Variants in CSMD3 observed in about 807,000 individuals in gnomAD.
The protein encoded by CSMD3 is CUB and Sushi multiple domains 3.
Under a neutral mutation model 435.2 loss-of-function variants are expected in CSMD3, and 177 were observed. That is an observed-to-expected ratio of 0.41 (90% CI 0.36 to 0.46). The LOEUF (loss-of-function observed/expected upper bound fraction) is 0.46, where lower values mean the gene tolerates loss of function less well. Ranked by LOEUF, CSMD3 falls within the 20% of genes least tolerant of loss-of-function variation. The probability of loss-of-function intolerance (pLI) is 0.34; values close to 1 mark genes in which losing one functional copy is unlikely to be tolerated. For synonymous variants in CSMD3, 1,656 were observed against 1,520.5 expected, an observed-to-expected ratio of 1.09 and a Z score of -2.07; for missense variants, 4,265 against 4,504.6, an observed-to-expected ratio of 0.95 and a Z score of 1.52.
intron 45 of CSMD3, among the ~76,000 whole-genome samples, chr8:112,322,804 C>T (rs1475084424): frequency 2.2e-4 from 33 of 152,010 alleles, no homozygotes; most frequent in Admixed American, 2.0e-3. Context: ...TATTTGCATG[C>T]TTGTTCATTG....
chr8:113,119,952 T>A (rs1263534520), intron 4 of CSMD3, among the ~76,000 whole-genome samples: 1 of 81,006 alleles, frequency 1.2e-5, no homozygotes, highest in East Asian at 1.6e-3. Context: ...AAAGAGAGTC[T>A]GTTCAAATTT....
At chr8:112,812,916 C>T (rs990135731) in intron 12 of CSMD3, among the ~76,000 whole-genome samples, 7 of 152,160 alleles carry the variant, frequency 4.6e-5, no homozygotes, top group African/African-American at 1.7e-4. Flanking sequence ...ATCTATTACA[C>T]TTTTATTAGC....
chr8:113,376,261 T>C (rs922907325), intron 1 of CSMD3, among the ~76,000 whole-genome samples: 2 of 152,198 alleles, frequency 1.3e-5, no homozygotes, highest in African/African-American at 2.4e-5. Flanking sequence ...TAAAAGTTAT[T>C]TGATTGATGT....
At chr8:113,003,855 T>C (rs2085956575) in intron 6 of CSMD3, among the ~76,000 whole-genome samples, 1 of 152,066 alleles carries the variant, frequency 6.6e-6, no homozygotes, top group Non-Finnish European at 1.5e-5. Context: ...CAAATATATG[T>C]CATACAGGTA....
At chr8:112,396,909 T>C (rs570851999) in intron 35 of CSMD3, among the ~76,000 whole-genome samples, 9 of 152,300 alleles carry the variant, frequency 5.9e-5, no homozygotes, top group African/African-American at 1.9e-4. Context: ...AATGAAATGA[T>C]GTAGTGAGAT....
intron 61 of CSMD3, among the ~76,000 whole-genome samples, chr8:112,258,130 T>G (rs976347398): frequency 6.6e-6 from 1 of 152,160 alleles, no homozygotes; most frequent in Non-Finnish European, 1.5e-5. Flanking sequence ...AAAAATTAAC[T>G]TGAGATACAT....
In CSMD3 at chr8:112,346,099, A is replaced by T. The variant is rs2131022512; in HGVS notation, c.6440T>A (p.Phe2147Tyr). The change falls in exon 41 of 71, where the codon TTT becomes TAT. Residue 2147 changes from phenylalanine (F) to tyrosine (Y), a missense_variant and splice_region_variant. Phe to Tyr is a conservative substitution (Grantham distance 22). Coordinates refer to ENST00000297405, the MANE Select transcript of CSMD3 (RefSeq NM_198123.2). ...CTWTINLPIGFGVHLQFVNFS... is the reference protein window; with the variant it reads ...CTWTINLPIGYGVHLQFVNFS... Reference sequence around the variant, plus strand: ...TCACGTGTTTTTAATACACATACCAAAACCTATGGGTAGATTTATTGTCCA... The same window carrying T: ...TCACGTGTTTTTAATACACATACCATAACCTATGGGTAGATTTATTGTCCA... 6.4e-7 allele frequency: 1 copy of T among 1,552,908 alleles called. No homozygotes were observed. The highest frequency in any genetic ancestry group is 8.9e-7 in the Non-Finnish European group (1 of 1,124,122).
At chr8:112,543,493 T>C (rs1563682499) in intron 27 of CSMD3, among the ~76,000 whole-genome samples, 1 of 152,062 alleles carries the variant, frequency 6.6e-6, no homozygotes, top group African/African-American at 2.4e-5. Flanking sequence ...ATGGTTAACA[T>C]AACTAATCTT....
intron 40 of CSMD3, among the ~76,000 whole-genome samples, chr8:112,348,688 G>A (rs1023156147): frequency 9.9e-5 from 15 of 152,066 alleles, no homozygotes; most frequent in African/African-American, 3.6e-4. Context: ...CCTGAGGTCA[G>A]GAGTTCGAGA....
chr8:113,009,647 A>G (rs1017438732), intron 6 of CSMD3, among the ~76,000 whole-genome samples: 1 of 151,710 alleles, frequency 6.6e-6, no homozygotes, highest in Non-Finnish European at 1.5e-5. Context: ...TAATTGCTAT[A>G]TTTTCTGTAG....
At chr8:112,784,128 A>C (rs2132259216) in intron 13 of CSMD3, among the ~76,000 whole-genome samples, 1 of 152,138 alleles carries the variant, frequency 6.6e-6, no homozygotes, top group South Asian at 2.1e-4. Context: ...AAAACTAGAA[A>C]TAGATAACAA....
intron 11 of CSMD3, among the ~76,000 whole-genome samples, chr8:112,839,266 C>A (rs2080113117): frequency 6.6e-6 from 1 of 151,670 alleles, no homozygotes. Context: ...TTTTTCTATG[C>A]CTTTAATATC....
chr8:113,245,007 C>T (rs1157422008), intron 3 of CSMD3, among the ~76,000 whole-genome samples: 3 of 152,070 alleles, frequency 2.0e-5, no homozygotes, highest in African/African-American at 7.2e-5. Flanking sequence ...TTTACAATCA[C>T]TGTATCTTTT....
chr8:112,456,132 A>AAAAATGT (rs1816820936), intron 32 of CSMD3, among the ~76,000 whole-genome samples: 2 of 152,270 alleles, frequency 1.3e-5, no homozygotes, highest in South Asian at 4.1e-4. Context: ...AATGTGGAAA[A>AAAAATGT]GGATTATGTT....
At chr8:113,350,371 C>T (rs6997630) in intron 1 of CSMD3, among the ~76,000 whole-genome samples, 2,024 of 152,138 alleles carry the variant, frequency 0.013, 44 homozygotes, top group African/African-American at 0.047. Context: ...TTCAGGGATT[C>T]CAGGACCTAA....
At chr8:113,427,118 AG>A (rs2094640216) in intron 1 of CSMD3, among the ~76,000 whole-genome samples, 1 of 151,600 alleles carries the variant, frequency 6.6e-6, no homozygotes, top group South Asian at 2.1e-4. Context: ...ATGTAGAAAA[AG>A]GCTAGTTTAT....
At chr8:112,817,502 C>A (rs573040264) in intron 12 of CSMD3, among the ~76,000 whole-genome samples, 4 of 152,044 alleles carry the variant, frequency 2.6e-5, no homozygotes, top group African/African-American at 9.6e-5. Context: ...TGTTCAAATC[C>A]TTTATCTGAA....
chr8:112,255,120 T>C, intron 62 of CSMD3, 134 bp downstream of exon 62: 1 of 676,354 alleles, frequency 1.5e-6, no homozygotes. Context: ...TTCCAGTGCC[T>C]TCTAATTGCT....
intron 32 of CSMD3, among the ~76,000 whole-genome samples, chr8:112,436,283 A>T (rs1283849472): frequency 3.9e-5 from 6 of 151,930 alleles, no homozygotes. Context: ...ATTAAAGTAA[A>T]TATAATAAAG....
Sources: allele counts gnomAD v4.1 joint callset (sites outside exome capture counted in the v4.1 genomes callset), GRCh38; gene constraint gnomAD v4.1.1; transcripts MANE v1.5; gene names NCBI Gene and HGNC (gene_info 2026-07-23, HGNC 2026-07-21).